The following MAML3 variants were observed in gnomAD, a reference collection of about 807,000 sequenced individuals.
MAML3 encodes mastermind like transcriptional coactivator 3, also known as mastermind-like protein 3.
Under a neutral mutation model 101.9 loss-of-function variants are expected in MAML3, and 27 were observed. The ratio of observed to expected loss-of-function variants is 0.27; its 90% CI spans 0.20 to 0.37. MAML3 has a LOEUF of 0.37. Ranked by LOEUF, MAML3 falls within the 10% of genes least tolerant of loss-of-function variation. MAML3 has a pLI of 1.00. For missense variants in MAML3, 1,316 were observed against 1,444.9 expected, an observed-to-expected ratio of 0.91 and a Z score of 1.45; for synonymous variants, 501 against 555.9, an observed-to-expected ratio of 0.90 and a Z score of 1.39.
intron 1 of MAML3, among the ~76,000 whole-genome samples, chr4:139,976,018 G>A (rs557966315): frequency 3.3e-5 from 5 of 152,330 alleles, no homozygotes; most frequent in South Asian, 2.1e-4. Flanking sequence ...TTTAACTTCA[G>A]TTGTTTCCAA....
chr4:139,917,059 A>ATGCAGAAT (rs1733042577), intron 1 of MAML3, among the ~76,000 whole-genome samples: 1 of 152,202 alleles, frequency 6.6e-6, no homozygotes, highest in African/African-American at 2.4e-5. Context: ...AGAAAACTGT[A>ATGCAGAAT]TGCAGAATTT....
intron 1 of MAML3, among the ~76,000 whole-genome samples, chr4:139,970,383 A>C (rs1342389971): frequency 6.6e-6 from 1 of 152,184 alleles, no homozygotes; most frequent in African/African-American, 2.4e-5. Flanking sequence ...ATTGAAGCAC[A>C]GTCTGTGGAG....
At chr4:140,141,145 A>G (rs1728972962) in intron 1 of MAML3, among the ~76,000 whole-genome samples, 1 of 152,192 alleles carries the variant, frequency 6.6e-6, no homozygotes. Flanking sequence ...GTGAAAATAT[A>G]GACGATAATT....
chr4:139,723,051 A>T (rs1461016333), intron 4 of MAML3, among the ~76,000 whole-genome samples: 1 of 152,258 alleles, frequency 6.6e-6, no homozygotes, highest in African/African-American at 2.4e-5. Flanking sequence ...CCAAAGGTGA[A>T]TTCTCTCTCA....
chr4:139,965,737 G>A (rs1734117750), intron 1 of MAML3, among the ~76,000 whole-genome samples: 1 of 152,096 alleles, frequency 6.6e-6, no homozygotes, highest in South Asian at 2.1e-4. Context: ...AAGTACACCT[G>A]CTTATTACCA....
At chr4:139,798,503 A>G (rs1256749749) in intron 2 of MAML3, among the ~76,000 whole-genome samples, 2 of 152,230 alleles carry the variant, frequency 1.3e-5, no homozygotes, top group East Asian at 3.8e-4. Flanking sequence ...ACCTTCAACA[A>G]CAGCTTCTAT....
intron 1 of MAML3, among the ~76,000 whole-genome samples, chr4:140,020,280 C>T (rs1469623448): frequency 6.6e-6 from 1 of 152,154 alleles, no homozygotes; most frequent in South Asian, 2.1e-4. Flanking sequence ...ACAAAAGACT[C>T]TTTTTCTAGG....
At chr4:139,822,733 C>A (rs1339164237) in intron 2 of MAML3, among the ~76,000 whole-genome samples, 1 of 152,252 alleles carries the variant, frequency 6.6e-6, no homozygotes, top group Non-Finnish European at 1.5e-5. Flanking sequence ...ATCAGCTCCA[C>A]ATCTCGAACC....
At chr4:139,852,717 G>A (rs2111157295) in intron 2 of MAML3, among the ~76,000 whole-genome samples, 1 of 152,154 alleles carries the variant, frequency 6.6e-6, no homozygotes, top group Admixed American at 6.5e-5. Context: ...GCCTGGCCTG[G>A]ACTGTGTGTT....
chr4:139,985,662 G>T (rs954530116), intron 1 of MAML3, among the ~76,000 whole-genome samples: 5 of 152,218 alleles, frequency 3.3e-5, no homozygotes, highest in African/African-American at 1.2e-4. Flanking sequence ...TCTTAACAAA[G>T]ATTAAGATTC....
rs760336202 is a variant in MAML3 at position 140,153,356 on chromosome 4, G to A, written c.-29C>T. 7 of 1,537,498 alleles carry A rather than the reference G, an allele frequency of 4.6e-6. No individual in the cohort carries two copies. Among genetic ancestry groups the A allele is most frequent in the South Asian group, 1.3e-5 (1 of 78,432 alleles). ...GCTCCCCGGGCACACTATTTTGGAA[G>A]AACTTTTTTTATCCACCCCCCTATC... On this transcript the variant is annotated 5_prime_UTR_variant, in exon 1 of 5. Coordinates refer to ENST00000509479, the MANE Select transcript of MAML3 (RefSeq NM_018717.5).
At chr4:140,147,546 G>A (rs1729086526) in intron 1 of MAML3, among the ~76,000 whole-genome samples, 1 of 152,152 alleles carries the variant, frequency 6.6e-6, no homozygotes, top group Non-Finnish European at 1.5e-5. Flanking sequence ...AAGCAGCCAG[G>A]GGATCTGAAA....
intron 2 of MAML3, among the ~76,000 whole-genome samples, chr4:139,812,999 T>C (rs1730831480): frequency 6.9e-6 from 1 of 144,440 alleles, no homozygotes; most frequent in South Asian, 2.1e-4. Flanking sequence ...GGGGAGAACC[T>C]ATGAGTTAAG....
At chr4:139,989,673 C>G (rs1419707604) in intron 1 of MAML3, among the ~76,000 whole-genome samples, 1 of 151,988 alleles carries the variant, frequency 6.6e-6, no homozygotes, top group Non-Finnish European at 1.5e-5. Context: ...GTCTTCCTAC[C>G]CAGGTGTTTT....
At chr4:140,010,049 A>T (rs930156179) in intron 1 of MAML3, among the ~76,000 whole-genome samples, 7 of 152,190 alleles carry the variant, frequency 4.6e-5, no homozygotes, top group African/African-American at 1.7e-4. Flanking sequence ...CATCCAAAAA[A>T]TTTTGTTTTC....
At chr4:140,079,519 C>T (rs892351303) in intron 1 of MAML3, among the ~76,000 whole-genome samples, 2 of 152,138 alleles carry the variant, frequency 1.3e-5, no homozygotes, top group Non-Finnish European at 2.9e-5. Flanking sequence ...GTCTCAAACT[C>T]CTAACCTCAA....
At chr4:139,930,280 C>A (rs961893062) in intron 1 of MAML3, among the ~76,000 whole-genome samples, 6 of 152,096 alleles carry the variant, frequency 3.9e-5, no homozygotes, top group African/African-American at 1.4e-4. Context: ...ACAACAGATG[C>A]TAAAAAATCT....
At position 140,043,109 on chromosome 4, in the gene MAML3, C is replaced by T. The variant is rs369364345; in HGVS notation, c.468+109751G>A. Among the ~76,000 whole-genome samples, 50 of 152,238 alleles carry T rather than the reference C, an allele frequency of 3.3e-4. 1 individual carries two copies. Among genetic ancestry groups the T allele is most frequent in the African/African-American group, 1.1e-3 (44 of 41,546 alleles). ...AAATTCAGGACTGTTCCCAGATGCC[C>T]TATAGCACTAAGGACATGACAAATT... is the stretch of plus-strand genomic sequence containing the variant. On this transcript the variant is annotated intron_variant, in intron 1 of 4. Transcript: ENST00000509479.
At chr4:139,834,435 G>A (rs1731223643) in intron 2 of MAML3, among the ~76,000 whole-genome samples, 1 of 152,244 alleles carries the variant, frequency 6.6e-6, no homozygotes, top group Non-Finnish European at 1.5e-5. Flanking sequence ...CGTAGACTGG[G>A]CCACTTCTGT....
Sources: gnomAD v4.1 joint callset for allele counts (sites outside exome capture counted in the v4.1 genomes callset) on GRCh38, gnomAD v4.1.1 for gene constraint, MANE v1.5 for transcripts, NCBI Gene and HGNC (gene_info 2026-07-23, HGNC 2026-07-21) for gene names.